The following RANGAP1 variants were observed in gnomAD, a reference collection of about 807,000 sequenced individuals.
The protein encoded by RANGAP1 is ran GTPase-activating protein 1.
Under a neutral mutation model 63.5 loss-of-function variants are expected in RANGAP1, and 38 were observed. The observed-to-expected ratio is 0.60, with a 90% CI of 0.46 to 0.78. The LOEUF (loss-of-function observed/expected upper bound fraction) is 0.78. Ranked by LOEUF, RANGAP1 falls within the 30% of genes least tolerant of loss-of-function variation. The probability of loss-of-function intolerance (pLI) is 0.00; values close to 1 mark genes in which losing one functional copy is unlikely to be tolerated. For synonymous variants in RANGAP1, 329 were observed against 310.5 expected, an observed-to-expected ratio of 1.06 and a Z score of -0.63; for missense variants, 630 against 740.3, an observed-to-expected ratio of 0.85 and a Z score of 1.73.
At position 41,283,996 on chromosome 22, in the gene RANGAP1, C is replaced by A. The variant is rs1305371632; in HGVS notation, c.-39+1990G>T. On this transcript the variant is annotated intron_variant, in intron 1 of 15. Transcript: ENST00000356244. The stretch of plus-strand genomic sequence containing the variant: ...GGGCGCAAAGGCTCACACCTATAAT[C>A]CTAGTACTTTGGGAGGCTGAGGTGG... Among the ~76,000 whole-genome samples, 5 of 152,210 alleles carry A rather than the reference C, an allele frequency of 3.3e-5. No individual in the cohort carries two copies. In the South Asian group the frequency reaches 1.0e-3, roughly 32 times the overall value.
chr22:41,271,372 C>T (rs1445212775), intron 3 of RANGAP1, among the ~76,000 whole-genome samples: 2 of 112,278 alleles, frequency 1.8e-5, no homozygotes, highest in African/African-American at 3.2e-5. Context: ...TGGGCAATGG[C>T]GTGAAACTGT....
intron 2 of RANGAP1, among the ~76,000 whole-genome samples, chr22:41,280,057 C>T (rs577393578): frequency 6.6e-6 from 1 of 152,182 alleles, no homozygotes; most frequent in South Asian, 2.1e-4. Flanking sequence ...TGAGATCGTG[C>T]CACTGCACTC....
At chr22:41,270,757 A>AG (rs1365324169) in intron 3 of RANGAP1, among the ~76,000 whole-genome samples, 1 of 152,246 alleles carries the variant, frequency 6.6e-6, no homozygotes, top group Non-Finnish European at 1.5e-5. Flanking sequence ...CCAATAAAGC[A>AG]GACCATGAAC....
chr22:41,257,673 C>T lies in RANGAP1; in HGVS notation c.774+275G>A, dbSNP rs752892432. Among the ~76,000 whole-genome samples, 1 of 152,254 alleles carries T rather than the reference C, an allele frequency of 6.6e-6. No homozygotes were observed. The highest frequency in any genetic ancestry group is 2.1e-4 in the South Asian group (1 of 4,834). ...GGGGAGCAGTCTGCTCCTGTGCAGC[C>T]TGAGAACAAACCAGCGGCAGCCGCT... is the stretch of plus-strand genomic sequence containing the variant. On this transcript the variant is annotated intron_variant, in intron 7 of 15. Transcript: ENST00000356244. This position sits in a 1 kb window ranked among gnomAD's most constrained non-coding sequence, Gnocchi z 4.0.
chr22:41,270,107 T>C (rs2034713347), intron 3 of RANGAP1, among the ~76,000 whole-genome samples: 1 of 151,972 alleles, frequency 6.6e-6, no homozygotes, highest in South Asian at 2.1e-4. Flanking sequence ...AGTGCTGGGA[T>C]TACAGGCGTG....
chr22:41,253,070 C>A (rs753161607), intron 11 of RANGAP1, 79 bp from the exon 12 acceptor site: 65 of 1,305,932 alleles, frequency 5.0e-5, no homozygotes, highest in Non-Finnish European at 6.4e-5. Context: ...TCCCCACACC[C>A]AGCACATCCA....
chr22:41,283,332 A>G (rs2035594546), intron 1 of RANGAP1, among the ~76,000 whole-genome samples: 1 of 152,102 alleles, frequency 6.6e-6, no homozygotes, highest in Non-Finnish European at 1.5e-5. Flanking sequence ...AACATGGTGA[A>G]ACCCCGTCTC....
chr22:41,257,887 G>A lies in RANGAP1; in HGVS notation c.774+61C>T, dbSNP rs2033936962. Reference sequence around the variant, plus strand: ...GCTAAACGGAGCCCCAGCTTCCCTGGAAAGACAGCAGCCAGCCTCTATCTG... The same window carrying A: ...GCTAAACGGAGCCCCAGCTTCCCTGAAAAGACAGCAGCCAGCCTCTATCTG... On this transcript the variant is annotated intron_variant, in intron 7 of 15. Coordinates refer to ENST00000356244, the MANE Select transcript of RANGAP1 (RefSeq NM_002883.4). The surrounding 1 kb of genome is among the most constrained non-coding windows in gnomAD (Gnocchi z 4.0). 6.6e-7 allele frequency: 1 copy of A among 1,523,694 alleles called. No homozygotes were observed. The highest frequency in any genetic ancestry group is 8.9e-7 in the Non-Finnish European group (1 of 1,124,668). 94.4% of individuals were successfully genotyped at this position (1,523,694 alleles called of 1,614,324 possible). A position where few individuals can be genotyped will look rare whatever the true frequency, so the allele number is the denominator to read the frequency against.
rs1307239675 is a variant in RANGAP1 at position 41,257,117 on chromosome 22, C to T, written c.775-293G>A. ...TGATCCCTCTGCCTGAAACACCCAT[C>T]CCCCACCCTCTGTCCAGAGAAAGAC... is the stretch of plus-strand genomic sequence containing the variant. On this transcript the variant is annotated intron_variant, in intron 7 of 15. Transcript: ENST00000356244. This position sits in a 1 kb window ranked among gnomAD's most constrained non-coding sequence, Gnocchi z 4.0. 6.6e-6 allele frequency among the ~76,000 whole-genome samples: 1 copy of T among 152,094 alleles called. No individual in the cohort carries two copies. The highest frequency in any genetic ancestry group is 1.5e-5 in the Non-Finnish European group (1 of 68,022).
chr22:41,274,847 C>T (rs773739567), intron 2 of RANGAP1, 120 bp from the exon 3 acceptor site: 2 of 1,278,766 alleles, frequency 1.6e-6, no homozygotes, highest in Non-Finnish European at 1.1e-6. Context: ...ATGCAATGAG[C>T]CTTGGCTTAC....
At chr22:41,247,549 C>T (rs995572184) in intron 15 of RANGAP1, among the ~76,000 whole-genome samples, 5 of 152,092 alleles carry the variant, frequency 3.3e-5, no homozygotes, top group African/African-American at 4.8e-5. Context: ...TGGGGTTTCA[C>T]GAATGTTGCC....
chr22:41,252,147 G>A (rs1371754496), intron 12 of RANGAP1, among the ~76,000 whole-genome samples: 3 of 151,988 alleles, frequency 2.0e-5, no homozygotes, highest in Non-Finnish European at 2.9e-5. Flanking sequence ...CCTGGCCAAC[G>A]TGGTGAAACC....
intron 2 of RANGAP1, among the ~76,000 whole-genome samples, chr22:41,280,434 G>C (rs1324311500): frequency 1.3e-5 from 2 of 152,206 alleles, no homozygotes; most frequent in African/African-American, 2.4e-5. Context: ...TGCAATACCT[G>C]TATACACACA....
intron 5 of RANGAP1, among the ~76,000 whole-genome samples, chr22:41,263,407 G>A (rs1262881724): frequency 6.6e-6 from 1 of 152,004 alleles, no homozygotes; most frequent in African/African-American, 2.4e-5. Context: ...TTTTTGAGAC[G>A]GAGTTTTGCT....
Position 41,249,950 on chromosome 22 carries a change from G to A in RANGAP1, c.1484-133C>T, listed in dbSNP as rs1825549648. The A allele has an allele frequency of 2.7e-5, 20 of 735,510 alleles. No individual in the cohort carries two copies. In the South Asian group the frequency reaches 3.0e-4, roughly 11 times the overall value. The allele number at this position is 735,510 out of a possible 1,614,324, so 45.6% of individuals were successfully genotyped here. On this transcript the variant is annotated intron_variant, in intron 13 of 15. Coordinates refer to ENST00000356244, the MANE Select transcript of RANGAP1 (RefSeq NM_002883.4). ...CGCCCTGACGAAGAGGCGAACACGA[G>A]AGGGACGGCAGAGACACAGGAACCA...
chr22:41,300,537 T>C, the RANGAP1 span, among the ~76,000 whole-genome samples: 1 of 150,478 alleles, frequency 6.6e-6, no homozygotes, highest in Non-Finnish European at 1.5e-5. Flanking sequence ...AATGGCATGA[T>C]CTTGGCTCAC....
At chr22:41,253,969 G>C (rs774403500) in intron 11 of RANGAP1, among the ~76,000 whole-genome samples, 1 of 151,990 alleles carries the variant, frequency 6.6e-6, no homozygotes, top group Admixed American at 6.6e-5. Flanking sequence ...TTAGCCAGGC[G>C]TGGTGGCAAG....
intron 2 of RANGAP1, among the ~76,000 whole-genome samples, chr22:41,278,047 T>G (rs1300073595): frequency 6.6e-6 from 1 of 151,380 alleles, no homozygotes; most frequent in Non-Finnish European, 1.5e-5. Flanking sequence ...AGTTTTTTTT[T>G]TTTTTTTTTG....
chr22:41,274,567 C>T (rs1253005447), intron 3 of RANGAP1, 33 bp downstream of exon 3: 2 of 1,611,646 alleles, frequency 1.2e-6, no homozygotes, highest in Non-Finnish European at 1.7e-6. Context: ...CTTGTTCAAA[C>T]CAGCCTGGGC....
Sources: allele counts gnomAD v4.1 joint callset (sites outside exome capture counted in the v4.1 genomes callset), GRCh38; gene constraint gnomAD v4.1.1; non-coding constraint Gnocchi (gnomAD v3.1); transcripts MANE v1.5; gene names NCBI Gene and HGNC (gene_info 2026-07-23, HGNC 2026-07-21).